Variants in LRP1B observed in about 807,000 individuals in gnomAD.
LRP1B encodes LDL receptor related protein 1B.
Under a neutral mutation model 556.6 loss-of-function variants are expected in LRP1B, and 217 were observed. The ratio of observed to expected loss-of-function variants is 0.39; its 90% CI spans 0.35 to 0.44. LRP1B has a LOEUF of 0.44. Ranked by LOEUF, LRP1B falls within the 20% of genes least tolerant of loss-of-function variation. The pLI, the probability that LRP1B is intolerant of heterozygous loss-of-function variation, is 1.00. For missense variants in LRP1B, 5,053 were observed against 5,620.8 expected (o/e 0.90, Z 3.23); for synonymous variants, 2,047 against 1,865.8 (o/e 1.10, Z -2.50).
At chr2:141,546,060 C>T (rs1446652050) in intron 2 of LRP1B, among the ~76,000 whole-genome samples, 1 of 152,096 alleles carries the variant, frequency 6.6e-6, no homozygotes, top group African/African-American at 2.4e-5. Context: ...CTTCCCTTCA[C>T]CTCCTCCTAG....
At chr2:141,825,284 G>A (rs907201603) in intron 1 of LRP1B, among the ~76,000 whole-genome samples, 4 of 152,160 alleles carry the variant, frequency 2.6e-5, no homozygotes, top group Non-Finnish European at 5.9e-5. Context: ...AATCATGAAG[G>A]TGTAGCACAG....
chr2:140,674,094 G>A (rs1256473538), intron 41 of LRP1B, among the ~76,000 whole-genome samples: 6 of 151,514 alleles, frequency 4.0e-5, no homozygotes, highest in East Asian at 1.9e-4. Context: ...GATTACAGGC[G>A]CCCACCACCA....
At chr2:141,188,943 CTG>C (rs1681378601) in intron 6 of LRP1B, among the ~76,000 whole-genome samples, 1 of 151,882 alleles carries the variant, frequency 6.6e-6, no homozygotes, top group African/African-American at 2.4e-5. Context: ...CAGCTAAACT[CTG>C]TAGTAGTGAG....
intron 7 of LRP1B, among the ~76,000 whole-genome samples, chr2:141,182,337 A>G (rs935900471): frequency 6.6e-6 from 1 of 151,946 alleles, no homozygotes; most frequent in African/African-American, 2.4e-5. Flanking sequence ...ATACAAATTT[A>G]TAAGCCTAGC....
At chr2:140,465,562 G>T (rs1440360702) in intron 60 of LRP1B, among the ~76,000 whole-genome samples, 1 of 152,084 alleles carries the variant, frequency 6.6e-6, no homozygotes, top group Non-Finnish European at 1.5e-5. Flanking sequence ...AACTGGACCT[G>T]AAGTAAACCT....
At chr2:141,678,209 A>G (rs1438353086) in intron 2 of LRP1B, among the ~76,000 whole-genome samples, 4 of 152,180 alleles carry the variant, frequency 2.6e-5, no homozygotes, top group Non-Finnish European at 5.9e-5. Context: ...ATCAATGTTT[A>G]TCTATGAAAA....
intron 3 of LRP1B, among the ~76,000 whole-genome samples, chr2:141,270,575 A>G (rs1048998461): frequency 1.1e-4 from 17 of 152,106 alleles, no homozygotes; most frequent in Non-Finnish European, 1.9e-4. Flanking sequence ...ATAATATAGC[A>G]TTTGCATAAA....
chr2:140,420,249 T>C (rs1685380007), intron 66 of LRP1B, among the ~76,000 whole-genome samples: 1 of 152,066 alleles, frequency 6.6e-6, no homozygotes, highest in Admixed American at 6.6e-5. Context: ...TTTGAACAGA[T>C]TCTTTACTAA....
intron 1 of LRP1B, among the ~76,000 whole-genome samples, chr2:141,997,047 T>G (rs1342511601): frequency 6.6e-6 from 1 of 152,038 alleles, no homozygotes; most frequent in Non-Finnish European, 1.5e-5. Flanking sequence ...TGCCTGAGAG[T>G]GCACAGACCA....
chr2:140,725,475 A>G (rs1687560684), intron 35 of LRP1B, among the ~76,000 whole-genome samples: 1 of 148,314 alleles, frequency 6.7e-6, no homozygotes, highest in Non-Finnish European at 1.5e-5. Flanking sequence ...TCCAAACTGA[A>G]AATTAGCTAT....
intron 6 of LRP1B, among the ~76,000 whole-genome samples, chr2:141,224,165 C>A (rs72855042): frequency 4.6e-5 from 7 of 151,576 alleles, no homozygotes; most frequent in Admixed American, 1.3e-4. Context: ...CACACACACA[C>A]AAACATTAAA....
chr2:142,054,565 A>T (rs971186664), intron 1 of LRP1B, among the ~76,000 whole-genome samples: 4 of 152,100 alleles, frequency 2.6e-5, no homozygotes, highest in African/African-American at 9.7e-5. Context: ...AAGCCAGATG[A>T]CCACATTTCT....
intron 35 of LRP1B, among the ~76,000 whole-genome samples, chr2:140,731,774 A>AG (rs1329604430): frequency 6.6e-6 from 1 of 151,014 alleles, no homozygotes; most frequent in Non-Finnish European, 1.5e-5. Context: ...CAAAAAAAAA[A>AG]AAAAAAAAAA....
intron 43 of LRP1B, among the ~76,000 whole-genome samples, chr2:140,589,423 G>T (rs547753563): frequency 6.6e-6 from 1 of 152,260 alleles, no homozygotes; most frequent in East Asian, 1.9e-4. Context: ...ACTAATGTAT[G>T]ACCCAGTGAT....
intron 2 of LRP1B, among the ~76,000 whole-genome samples, chr2:141,522,454 G>A (rs1039117382): frequency 7.9e-5 from 12 of 151,978 alleles, no homozygotes; most frequent in African/African-American, 2.7e-4. Flanking sequence ...TCAGTTTCCC[G>A]GACATTTACA....
chr2:140,784,418 A>ACACC (rs1217068525), intron 32 of LRP1B, among the ~76,000 whole-genome samples: 2 of 150,558 alleles, frequency 1.3e-5, no homozygotes, highest in African/African-American at 4.9e-5. Context: ...ACACACACAC[A>ACACC]CACAAAAGGC....
intron 75 of LRP1B, 82 bp downstream of exon 75, chr2:140,356,260 C>T (rs1682209705): frequency 7.2e-7 from 1 of 1,389,350 alleles, no homozygotes; most frequent in Non-Finnish European, 1.0e-6. Context: ...AGTCAATCCC[C>T]TGTGATCTCA....
intron 41 of LRP1B, among the ~76,000 whole-genome samples, chr2:140,634,107 G>A (rs1019772013): frequency 2.0e-5 from 3 of 152,054 alleles, no homozygotes; most frequent in South Asian, 2.1e-4. Context: ...CACCAAAACC[G>A]AGTAGGATTT....
At chr2:140,690,210 CA>C (rs982608137) in intron 41 of LRP1B, among the ~76,000 whole-genome samples, 1 of 151,722 alleles carries the variant, frequency 6.6e-6, no homozygotes, top group Non-Finnish European at 1.5e-5. Flanking sequence ...ACAAAATAAC[CA>C]TTATCTTCCA....
Sources: allele counts gnomAD v4.1 joint callset (sites outside exome capture counted in the v4.1 genomes callset), GRCh38; gene constraint gnomAD v4.1.1; transcripts MANE v1.5; gene names NCBI Gene and HGNC (gene_info 2026-07-23, HGNC 2026-07-21).